Variants in KAZN observed in about 807,000 individuals in gnomAD.
KAZN encodes the protein kazrin.
KAZN carries 40 observed loss-of-function variants against 87.4 expected under a neutral mutation model. The ratio of observed to expected loss-of-function variants is 0.46; its 90% CI spans 0.36 to 0.60. The LOEUF is 0.60. KAZN is among the 20% of genes least tolerant of loss of function. The pLI is 0.00. For synonymous variants in KAZN, 466 were observed against 458.3 expected (o/e 1.02, Z -0.22); for missense variants, 898 against 1,073.9 (o/e 0.84, Z 2.29).
chr1:14,520,689 C>T lies in KAZN; in HGVS notation c.250-78294C>T, dbSNP rs118154187. 1.6e-4 allele frequency among the ~76,000 whole-genome samples: 25 copies of T among 152,276 alleles called. No homozygotes were observed. The East Asian group carries it at 4.4e-3, about 27-fold the overall frequency. On this transcript the variant is annotated intron_variant, in intron 2 of 16. Transcript: ENST00000636203. ...GGAAGCAGCCACCTCTGGGAATTTCCCTGGTATCTGTTTGGGCAGAGACTG... is the reference window on the plus strand; with the variant it reads ...GGAAGCAGCCACCTCTGGGAATTTCTCTGGTATCTGTTTGGGCAGAGACTG...
intron 1 of KAZN, among the ~76,000 whole-genome samples, chr1:14,734,233 T>C (rs577705035): frequency 3.9e-5 from 6 of 152,188 alleles, no homozygotes; most frequent in African/African-American, 1.2e-4. Flanking sequence ...CACTCCGGGA[T>C]CTGGATAGAC....
rs146482306 is a variant in KAZN, at chr1:15,110,391, T to TTTTG, written c.2049-2035_2049-2034insTTGT. Among the ~76,000 whole-genome samples the TTTTG allele has an allele frequency of 2.0e-3, 298 of 150,930 alleles. 2 individuals carry two copies. Among genetic ancestry groups the TTTTG allele is most frequent in the Non-Finnish European group, 3.4e-3 (230 of 67,612 alleles). On this transcript the variant is annotated intron_variant, in intron 13 of 14. Transcript: ENST00000376030. The stretch of plus-strand genomic sequence containing the variant: ...GTATATGTAGTGTGTATTTGTGTGT[T>TTTTG]TGTGTGTGTCTGTGTATTTGTGTGT...
At chr1:14,568,748 C>G (rs755948159) in intron 2 of KAZN, among the ~76,000 whole-genome samples, 1 of 152,148 alleles carries the variant, frequency 6.6e-6, no homozygotes, top group Admixed American at 6.5e-5. Context: ...TGAGCTGTAC[C>G]CAGGCTTCTG....
At chr1:14,200,811 G>A (rs1646623324) in intron 2 of KAZN, among the ~76,000 whole-genome samples, 1 of 151,038 alleles carries the variant, frequency 6.6e-6, no homozygotes, top group Non-Finnish European at 1.5e-5. Context: ...CACCACACCT[G>A]TGCTGGAAGT....
intron 1 of KAZN, among the ~76,000 whole-genome samples, chr1:14,054,725 T>C (rs1279686141): frequency 1.3e-5 from 2 of 152,192 alleles, no homozygotes; most frequent in Non-Finnish European, 2.9e-5. Flanking sequence ...TCCAGGATTG[T>C]TTGTTCATTT....
Position 14,558,807 on chromosome 1 carries a change from T to C in KAZN, c.250-40176T>C, listed in dbSNP as rs1264431427. Among the ~76,000 whole-genome samples, 3 of 152,196 alleles carry C rather than the reference T, an allele frequency of 2.0e-5. No individual in the cohort carries two copies. The East Asian group carries it at 5.8e-4, about 29-fold the overall frequency. On this transcript the variant is annotated intron_variant, in intron 2 of 16. Coordinates refer to the KAZN transcript ENST00000636203. Reference sequence around the variant, plus strand: ...TAGGTCTAGAGTAGGCTGTTCCGGTTAAGCATCTTTTTGTTGCACAGAACA... The same window carrying C: ...TAGGTCTAGAGTAGGCTGTTCCGGTCAAGCATCTTTTTGTTGCACAGAACA...
intron 2 of KAZN, among the ~76,000 whole-genome samples, chr1:14,334,722 G>T (rs1480137529): frequency 6.6e-6 from 1 of 152,214 alleles, no homozygotes; most frequent in African/African-American, 2.4e-5. Flanking sequence ...GTTCACTCAG[G>T]TGACTGTTGG....
intron 2 of KAZN, among the ~76,000 whole-genome samples, chr1:14,457,172 T>C (rs1279712409): frequency 6.6e-6 from 1 of 152,230 alleles, no homozygotes; most frequent in African/African-American, 2.4e-5. Flanking sequence ...TTCATGAGGC[T>C]TCACGTATTT....
chr1:14,512,772 G>A (rs1670982859), intron 2 of KAZN, among the ~76,000 whole-genome samples: 1 of 150,604 alleles, frequency 6.6e-6, no homozygotes, highest in African/African-American at 2.5e-5. Flanking sequence ...TGGAGATAAA[G>A]TCAAAGAGCA....
chr1:14,946,239 A>G (rs2101672154), intron 1 of KAZN: 1 of 152,124 alleles, frequency 6.6e-6, no homozygotes, highest in Admixed American at 6.5e-5. Flanking sequence ...GTGTACCTTC[A>G]GAAGCTGCAT....
intron 1 of KAZN, among the ~76,000 whole-genome samples, chr1:14,736,257 GTGT>G (rs1557437532): frequency 0.069 from 6,832 of 99,498 alleles, 256 homozygotes; most frequent in Admixed American, 0.13. Context: ...ACTCAAGGGT[GTGT>G]GTGTGTGTGT....
intron 1 of KAZN, among the ~76,000 whole-genome samples, chr1:14,824,632 C>G (rs1255004418): frequency 6.6e-6 from 1 of 152,192 alleles, no homozygotes; most frequent in African/African-American, 2.4e-5. Context: ...ATGCAGTCCC[C>G]AGAACATGGG....
intron 2 of KAZN, among the ~76,000 whole-genome samples, chr1:14,263,189 A>G (rs916931999): frequency 7.2e-5 from 11 of 152,222 alleles, no homozygotes; most frequent in African/African-American, 2.7e-4. Flanking sequence ...TCTTTAAGCC[A>G]TGTTGAAAGC....
chr1:14,787,034 C>T (rs1279601437), intron 1 of KAZN, among the ~76,000 whole-genome samples: 1 of 152,204 alleles, frequency 6.6e-6, no homozygotes, highest in Non-Finnish European at 1.5e-5. Flanking sequence ...CTGAATTAGG[C>T]ACACTTTGCT....
At chr1:14,371,699 T>A (rs1162578081) in intron 2 of KAZN, among the ~76,000 whole-genome samples, 1 of 152,196 alleles carries the variant, frequency 6.6e-6, no homozygotes, top group Non-Finnish European at 1.5e-5. Flanking sequence ...TCAATAAATA[T>A]TTATTGACAT....
intron 1 of KAZN, among the ~76,000 whole-genome samples, chr1:14,730,638 C>A (rs1466845646): frequency 6.6e-6 from 1 of 152,062 alleles, no homozygotes; most frequent in African/African-American, 2.4e-5. Context: ...TCTTGAGCAC[C>A]CTGTCACGCT....
At chr1:14,480,187 C>T (rs1002418412) in intron 2 of KAZN, among the ~76,000 whole-genome samples, 6 of 152,258 alleles carry the variant, frequency 3.9e-5, no homozygotes, top group African/African-American at 1.4e-4. Context: ...TGCCCGCAGG[C>T]AGGCACCTGC....
chr1:14,518,365 C>T (rs1008013203), intron 2 of KAZN, among the ~76,000 whole-genome samples: 4 of 151,938 alleles, frequency 2.6e-5, no homozygotes, highest in African/African-American at 7.3e-5. Context: ...TTAGTAGAGA[C>T]AGGATTTCGC....
chr1:15,066,383 G>A lies in KAZN; in HGVS notation c.1222+630G>A, dbSNP rs534806352. The stretch of plus-strand genomic sequence containing the variant: ...TGTGGGACCAGACCCTGTCCTGGGG[G>A]TGCGCCCAAGTCACTTTAACCACAA... On this transcript the variant is annotated intron_variant, in intron 8 of 14. Coordinates refer to ENST00000376030, the MANE Select transcript of KAZN (RefSeq NM_201628.3). The surrounding 1 kb of genome is among the most constrained non-coding windows in gnomAD (Gnocchi z 4.3). 1.3e-5 allele frequency: 13 copies of A among 984,662 alleles called. No individual in the cohort carries two copies. In the South Asian group the frequency reaches 6.1e-4, roughly 46 times the overall value. The allele number at this position is 984,662 out of a possible 1,614,324, so 61.0% of individuals were successfully genotyped here. A position where few individuals can be genotyped will look rare whatever the true frequency, so the allele number is the denominator to read the frequency against.
Sources: gnomAD v4.1 joint callset for allele counts (sites outside exome capture counted in the v4.1 genomes callset) on GRCh38, gnomAD v4.1.1 for gene constraint, Gnocchi (gnomAD v3.1) non-coding constraint, MANE v1.5 for transcripts, NCBI Gene and HGNC (gene_info 2026-07-23, HGNC 2026-07-21) for gene names.